The following TUBGCP2 variants were observed in gnomAD, a reference collection of about 807,000 sequenced individuals.
TUBGCP2 encodes gamma-tubulin complex component 2.
In TUBGCP2, 55 loss-of-function variants were observed where a neutral mutation model predicts 92.2. The observed-to-expected ratio is 0.60, with a 90% CI of 0.48 to 0.75. The LOEUF is 0.75. Ranked by LOEUF, TUBGCP2 falls within the 30% of genes least tolerant of loss-of-function variation. TUBGCP2 has a pLI of 0.00. For missense variants in TUBGCP2, 1,093 were observed against 1,188.9 expected (o/e 0.92, Z 1.19); for synonymous variants, 533 against 505.2 (o/e 1.06, Z -0.74).
intron 5 of TUBGCP2, among the ~76,000 whole-genome samples, chr10:133,297,126 G>T (rs945699537): frequency 3.9e-5 from 6 of 152,204 alleles, no homozygotes; most frequent in Non-Finnish European, 7.4e-5. Flanking sequence ...ACTTGACTAG[G>T]CGTGGTGGCT....
At chr10:133,286,626 ACT>A (rs993135665) in intron 11 of TUBGCP2, among the ~76,000 whole-genome samples, 28 of 152,346 alleles carry the variant, frequency 1.8e-4, no homozygotes, top group African/African-American at 6.3e-4. Context: ...CGCACGGAAC[ACT>A]CTCCAGGATG....
chr10:133,297,465 TC>T, intron 5 of TUBGCP2: 1 of 441,808 alleles, frequency 2.3e-6, no homozygotes, highest in Non-Finnish European at 4.5e-6. Flanking sequence ...ACATCCCAGG[TC>T]CCCAATAACA....
At chr10:133,291,212 G>A (rs891509037) in intron 8 of TUBGCP2, among the ~76,000 whole-genome samples, 4 of 150,714 alleles carry the variant, frequency 2.7e-5, no homozygotes, top group African/African-American at 4.9e-5. Context: ...AGGAAGGCCA[G>A]AGCCCCCAGA....
rs764067956 is a variant in TUBGCP2 at position 133,288,322 on chromosome 10, G to A, written c.1542-13C>T. ...GCGCTTGATGGACCTGCGCCAGGGA[G>A]CAGGCGTGAGCAGGTGCCCACCCGC... On this transcript the variant is annotated splice_polypyrimidine_tract_variant and intron_variant, in intron 10 of 17. Coordinates refer to ENST00000252936, the MANE Select transcript of TUBGCP2 (RefSeq NM_006659.4). The A allele has an allele frequency of 1.9e-6, 3 of 1,611,116 alleles. No homozygotes were observed. The highest frequency in any genetic ancestry group is 2.5e-6 in the Non-Finnish European group (3 of 1,178,966).
rs764743265 is a variant in TUBGCP2 at position 133,285,194 on chromosome 10, G to T, written c.1915C>A (p.Gln639Lys). Residue 639 changes from glutamine (Q) to lysine (K), a missense_variant, in exon 13 of 18, where the codon CAG becomes AAG. Coordinates refer to ENST00000252936, the MANE Select transcript of TUBGCP2 (RefSeq NM_006659.4). The surrounding 1 kb of genome is among the most constrained non-coding windows in gnomAD (Gnocchi z 6.8). The stretch of plus-strand genomic sequence containing the variant: ...TAGAACATGTGCCTGAAGAGCATCT[G>T]GTAGCGAGTGAGGGCTTTCCTGCAA... ...IINRKALTRY[Q>K]MLFRHMFYCK... The T allele has an allele frequency of 3.1e-6, 5 of 1,612,940 alleles. No individual in the cohort carries two copies. The highest frequency in any genetic ancestry group is 4.2e-6 in the Non-Finnish European group (5 of 1,180,000).
At position 133,289,824 on chromosome 10, in the gene TUBGCP2, C is replaced by T; in HGVS notation, c.1360G>A (p.Gly454Arg). The T allele has an allele frequency of 2.8e-6, 1 of 361,316 alleles. No individual in the cohort carries two copies. Among genetic ancestry groups the T allele is most frequent in the Non-Finnish European group, 3.9e-6 (1 of 256,704 alleles). 22.4% of individuals were successfully genotyped at this position (361,316 alleles called of 1,614,324 possible). Residue 454 changes from glycine (G) to arginine (R), a missense_variant and splice_region_variant, in exon 9 of 18, where the codon GGA becomes AGA. By Grantham distance (125) the Gly-to-Arg change is moderately radical (BLOSUM62 -2). This residue lies in a region of TUBGCP2 where 598 missense variants were observed against 675.5 expected (regional missense o/e 0.89). Transcript: ENST00000252936. ...QKMADKILST[G>R]KYLNVVRECG... The stretch of plus-strand genomic sequence containing the variant: ...CAAGTCCCCGCCCGCTGCGCCGCAC[C>T]TGTGCTGAGGATCTTGTCCGCCATT...
At chr10:133,283,674 T>G (rs1000967750) in intron 14 of TUBGCP2, among the ~76,000 whole-genome samples, 3 of 6,956 alleles carry the variant, frequency 4.3e-4, no homozygotes, top group African/African-American at 1.7e-3. Flanking sequence ...CTCCCTGCAC[T>G]CCCTGCCTCT....
intron 5 of TUBGCP2, 72 bp from the exon 6 acceptor site, chr10:133,293,841 G>A: frequency 1.4e-6 from 2 of 1,405,698 alleles, no homozygotes; most frequent in Non-Finnish European, 2.0e-6. Flanking sequence ...GCCCTCATCT[G>A]CGGGTCAGTC....
rs367791229 is a variant in TUBGCP2 at position 133,300,033 on chromosome 10, G to A, written c.231C>T (p.Asn77=). ...ACAACAGGTACACCAGCGGGTCAAGGTTCCTTGTATTTTTAGATTTCAGTT... is the reference window on the plus strand; with the variant it reads ...ACAACAGGTACACCAGCGGGTCAAGATTCCTTGTATTTTTAGATTTCAGTT... ...YDELKSKNTR[N]LDPLVYLLSK... is the part of the protein sequence containing the mutation. Residue 77 remains asparagine, a synonymous_variant, in exon 3 of 18, where the codon AAC becomes AAT. Transcript: ENST00000252936. 1.2e-6 allele frequency: 2 copies of A among 1,614,024 alleles called. No individual in the cohort carries two copies. Among genetic ancestry groups the A allele is most frequent in the African/African-American group, 1.3e-5 (1 of 74,910 alleles).
At chr10:133,294,885 C>T (rs1847453955) in intron 5 of TUBGCP2, among the ~76,000 whole-genome samples, 1 of 152,182 alleles carries the variant, frequency 6.6e-6, no homozygotes, top group African/African-American at 2.4e-5. Context: ...CTCCAGTGGC[C>T]TTCTCAGGAT....
rs199826774 is a variant in TUBGCP2 at position 133,282,348 on chromosome 10, G to C, written c.2290-6C>G. 32 of 1,583,190 alleles carry C rather than the reference G, an allele frequency of 2.0e-5. No homozygotes were observed. The highest frequency in any genetic ancestry group is 1.1e-4 in the Admixed American group (6 of 54,402). ...TTCATGCTCTGTGTAAATTTCTAGGGGGGGAGAGTCGCAAGGAAATGCTTC... is the reference window on the plus strand; with the variant it reads ...TTCATGCTCTGTGTAAATTTCTAGGCGGGGAGAGTCGCAAGGAAATGCTTC... On this transcript the variant is annotated splice_polypyrimidine_tract_variant and splice_region_variant and intron_variant, in intron 15 of 17. Transcript: ENST00000252936.
In TUBGCP2 at chr10:133,285,572, C is replaced by G; in HGVS notation, c.1779G>C (p.Glu593Asp). Reference protein sequence around the residue: ...ITQLLRVLAIETKQEKAMAHA... With the variant: ...ITQLLRVLAIDTKQEKAMAHA... ...GCGCCATCGCCTTCTCCTGCTTGGT[C>G]TCGATGGCCAGGACGCGCAAGAGCT... The change falls in exon 12 of 18, where the codon GAG (glutamate) becomes GAC (aspartate). Residue 593 changes from glutamate (E) to aspartate (D), a missense_variant. Around this residue, in one of 3 missense-constraint regions of TUBGCP2, gnomAD observed 598 missense variants for 675.5 expected, o/e 0.89. Coordinates refer to ENST00000252936, the MANE Select transcript of TUBGCP2 (RefSeq NM_006659.4). The surrounding 1 kb of genome is among the most constrained non-coding windows in gnomAD (Gnocchi z 6.8). 6.4e-7 allele frequency: 1 copy of G among 1,561,580 alleles called. No homozygotes were observed. The highest frequency in any genetic ancestry group is 8.7e-7 in the Non-Finnish European group (1 of 1,151,188).
At chr10:133,296,161 G>A (rs940716545) in intron 5 of TUBGCP2, among the ~76,000 whole-genome samples, 7 of 152,208 alleles carry the variant, frequency 4.6e-5, no homozygotes, top group Admixed American at 1.3e-4. Flanking sequence ...TGCCCACGGC[G>A]CCGCAGCGTT....
rs190850289 is a variant in TUBGCP2 at position 133,298,310 on chromosome 10, C to T, written c.457-199G>A. On this transcript the variant is annotated intron_variant, in intron 4 of 17. Transcript: ENST00000252936. Reference sequence around the variant, plus strand: ...ACGTGAGGGGCTGGGGACAACAGGGCAGATGGGGAGCCCTAGCCCCTCTTC... The same window carrying T: ...ACGTGAGGGGCTGGGGACAACAGGGTAGATGGGGAGCCCTAGCCCCTCTTC... 2.0e-5 allele frequency among the ~76,000 whole-genome samples: 3 copies of T among 152,322 alleles called. No homozygotes were observed. The East Asian group carries it at 5.8e-4, about 29-fold the overall frequency.
At chr10:133,307,659 C>T (rs1206792912) in intron 1 of TUBGCP2, among the ~76,000 whole-genome samples, 1 of 152,194 alleles carries the variant, frequency 6.6e-6, no homozygotes, top group African/African-American at 2.4e-5. Context: ...GCACGAGAAT[C>T]GCTTGAACCC....
At chr10:133,282,762 CG>C (rs1847015882) in intron 15 of TUBGCP2, among the ~76,000 whole-genome samples, 1 of 152,160 alleles carries the variant, frequency 6.6e-6, no homozygotes, top group South Asian at 2.1e-4. Context: ...AGGTCCTTAA[CG>C]GAATCAAATA....
At chr10:133,291,249 C>T (rs911827103) in intron 8 of TUBGCP2, among the ~76,000 whole-genome samples, 2 of 67,924 alleles carry the variant, frequency 2.9e-5, no homozygotes, top group African/African-American at 2.2e-4. Flanking sequence ...CTCCGTGTCC[C>T]CCATGTCCCT....
intron 5 of TUBGCP2, among the ~76,000 whole-genome samples, chr10:133,296,390 G>A (rs926608275): frequency 4.6e-5 from 7 of 152,188 alleles, no homozygotes; most frequent in South Asian, 2.1e-4. Context: ...CTGAGTACCC[G>A]CTAAGGGAGC....
At chr10:133,294,014 G>A (rs760267899) in intron 5 of TUBGCP2, among the ~76,000 whole-genome samples, 3 of 152,244 alleles carry the variant, frequency 2.0e-5, no homozygotes, top group Admixed American at 6.5e-5. Flanking sequence ...ACTCGGCTCC[G>A]CAATGCTCAG....
Sources: allele counts gnomAD v4.1 joint callset (sites outside exome capture counted in the v4.1 genomes callset), GRCh38; gene constraint gnomAD v4.1.1; regional missense constraint gnomAD v4.1.1; non-coding constraint Gnocchi (gnomAD v3.1); transcripts MANE v1.5; gene names NCBI Gene and HGNC (gene_info 2026-07-23, HGNC 2026-07-21).